The following GRM1 variants were observed in gnomAD, a reference collection of about 807,000 sequenced individuals.
GRM1 encodes glutamate metabotropic receptor 1, also known as metabotropic glutamate receptor 1.
GRM1 carries 33 observed loss-of-function variants against 90.9 expected under a neutral mutation model. That is an observed-to-expected ratio of 0.36 (90% confidence interval 0.28 to 0.49). The LOEUF is 0.49. Among genes scored for constraint, GRM1 ranks in the 20% least tolerant of loss-of-function variants. GRM1 has a pLI of 0.99. For synonymous variants in GRM1, 700 were observed against 613.2 expected (o/e 1.14, Z -2.09); for missense variants, 1,190 against 1,534.3 (o/e 0.78, Z 3.75).
At chr6:146,258,615 G>T (rs1583233146) in intron 2 of GRM1, among the ~76,000 whole-genome samples, 1 of 152,102 alleles carries the variant, frequency 6.6e-6, no homozygotes, top group South Asian at 2.1e-4. Flanking sequence ...GAAATCCTGG[G>T]CTCAAGAGAT....
At chr6:146,077,271 C>G (rs1331645) in intron 1 of GRM1, among the ~76,000 whole-genome samples, 61,250 of 151,984 alleles carry the variant, frequency 0.4, 12,653 homozygotes, top group Middle Eastern at 0.53. Context: ...CCATTGCTAA[C>G]GCACACACAG....
At chr6:146,209,701 AT>A (rs1779616852) in intron 2 of GRM1, among the ~76,000 whole-genome samples, 2 of 152,176 alleles carry the variant, frequency 1.3e-5, no homozygotes, top group Admixed American at 1.3e-4. Flanking sequence ...GAGATGTGAT[AT>A]CAATTAATTA....
intron 2 of GRM1, among the ~76,000 whole-genome samples, chr6:146,201,368 T>TA (rs1478321320): frequency 6.6e-6 from 1 of 152,208 alleles, no homozygotes; most frequent in African/African-American, 2.4e-5. Context: ...CAGGCTGCTA[T>TA]AACAACATGA....
At chr6:146,098,158 T>C (rs1430862549) in intron 1 of GRM1, among the ~76,000 whole-genome samples, 1 of 152,200 alleles carries the variant, frequency 6.6e-6, no homozygotes, top group Non-Finnish European at 1.5e-5. Flanking sequence ...GTCTTCAAAA[T>C]TGTATACTAA....
intron 2 of GRM1, among the ~76,000 whole-genome samples, chr6:146,253,790 T>C (rs958121643): frequency 1.2e-4 from 19 of 152,168 alleles, no homozygotes; most frequent in African/African-American, 4.6e-4. Flanking sequence ...CATAACATTA[T>C]TCTGTATGTG....
At chr6:146,159,828 T>C (rs370707993) in intron 2 of GRM1, 30 of 515,538 alleles carry the variant, frequency 5.8e-5, no homozygotes, top group Non-Finnish European at 7.4e-5. Flanking sequence ...GGAGGGAGGA[T>C]TGGTTAAGCC....
At chr6:146,371,614 C>G (rs552841656) in intron 5 of GRM1, among the ~76,000 whole-genome samples, 2 of 152,166 alleles carry the variant, frequency 1.3e-5, no homozygotes, top group East Asian at 3.9e-4. Context: ...CCTCCCCATG[C>G]CCCAACTACT....
chr6:146,220,174 CTAAT>C (rs931410765), intron 2 of GRM1, among the ~76,000 whole-genome samples: 51 of 152,080 alleles, frequency 3.4e-4, no homozygotes, highest in African/African-American at 1.2e-3. Flanking sequence ...AGGTGAGAAA[CTAAT>C]AAATTTCAAA....
At chr6:146,138,008 T>C (rs1319924000) in intron 1 of GRM1, among the ~76,000 whole-genome samples, 1 of 152,232 alleles carries the variant, frequency 6.6e-6, no homozygotes, top group Non-Finnish European at 1.5e-5. Context: ...TGATTTTGTA[T>C]CCTGCAACTT....
chr6:146,325,048 C>T (rs778617733), intron 3 of GRM1, among the ~76,000 whole-genome samples: 42 of 152,244 alleles, frequency 2.8e-4, no homozygotes, highest in African/African-American at 6.5e-4. Context: ...ATGAAATATT[C>T]CGAGCTCCAA....
intron 2 of GRM1, among the ~76,000 whole-genome samples, chr6:146,276,793 T>C (rs1345829669): frequency 6.6e-6 from 1 of 152,170 alleles, no homozygotes; most frequent in Non-Finnish European, 1.5e-5. Context: ...TTTATCTTAA[T>C]GTTCTTGAGT....
At chr6:146,305,010 C>T (rs1783525063) in intron 3 of GRM1, among the ~76,000 whole-genome samples, 164 bp downstream of exon 3, 1 of 150,428 alleles carries the variant, frequency 6.6e-6, no homozygotes, top group African/African-American at 2.4e-5. Context: ...GTGTATTACC[C>T]CAGGGATTCA....
At chr6:146,393,170 T>C (rs1776795665) in intron 6 of GRM1, among the ~76,000 whole-genome samples, 1 of 152,212 alleles carries the variant, frequency 6.6e-6, no homozygotes, top group African/African-American at 2.4e-5. Flanking sequence ...AGCGTTCCTA[T>C]TTCTCCATAT....
intron 3 of GRM1, among the ~76,000 whole-genome samples, chr6:146,326,931 T>C (rs941287936): frequency 6.6e-6 from 1 of 152,178 alleles, no homozygotes; most frequent in Non-Finnish European, 1.5e-5. Context: ...TCCCAATATG[T>C]GCCTTGATTT....
chr6:146,108,850 G>A (rs559271697), intron 1 of GRM1, among the ~76,000 whole-genome samples: 4 of 152,124 alleles, frequency 2.6e-5, no homozygotes, highest in African/African-American at 9.7e-5. Context: ...TTGGGAACTG[G>A]AGTAAGGTGA....
At chr6:146,155,989 CA>C (rs1490535334) in intron 1 of GRM1, among the ~76,000 whole-genome samples, 1 of 152,234 alleles carries the variant, frequency 6.6e-6, no homozygotes, top group Non-Finnish European at 1.5e-5. Context: ...GGAGGCCAAT[CA>C]GGAGCCTACG....
intron 1 of GRM1, among the ~76,000 whole-genome samples, chr6:146,074,743 C>G (rs190592123): frequency 6.6e-6 from 1 of 152,120 alleles, no homozygotes; most frequent in Non-Finnish European, 1.5e-5. Flanking sequence ...TTTGTAACAA[C>G]AATTTTTATT....
chr6:146,273,603 G>T (rs1050807005), intron 2 of GRM1, among the ~76,000 whole-genome samples: 1 of 152,120 alleles, frequency 6.6e-6, no homozygotes, highest in African/African-American at 2.4e-5. Context: ...TGATGCCTAG[G>T]GCTTAAGATG....
At chr6:146,182,396 A>G (rs2114550316) in intron 2 of GRM1, among the ~76,000 whole-genome samples, 1 of 152,238 alleles carries the variant, frequency 6.6e-6, no homozygotes, top group East Asian at 1.9e-4. Context: ...ATTGCAAGAA[A>G]TTATCTAATT....
Sources: allele counts gnomAD v4.1 joint callset (sites outside exome capture counted in the v4.1 genomes callset), GRCh38; gene constraint gnomAD v4.1.1; transcripts MANE v1.5; gene names NCBI Gene and HGNC (gene_info 2026-07-23, HGNC 2026-07-21).